The following SSUH2 variants were observed in gnomAD, a reference collection of about 807,000 sequenced individuals.
The protein encoded by SSUH2 is ssu-2 homolog.
In SSUH2, 47 loss-of-function variants were observed where a neutral mutation model predicts 55.3. The ratio of observed to expected loss-of-function variants is 0.85; its 90% CI spans 0.67 to 1.08. The LOEUF (loss-of-function observed/expected upper bound fraction) is 1.08. SSUH2 is among the 50% of genes least tolerant of loss of function. The pLI is 0.00. For missense variants in SSUH2, 535 were observed against 490.7 expected, an observed-to-expected ratio of 1.09 and a Z score of -0.85; for synonymous variants, 212 against 191.5, an observed-to-expected ratio of 1.11 and a Z score of -0.89.
intron 1 of SSUH2, among the ~76,000 whole-genome samples, chr3:8,681,197 G>C (rs1332139796): frequency 2.2e-5 from 3 of 135,566 alleles, no homozygotes; most frequent in Non-Finnish European, 5.0e-5. Context: ...CGGGGAATGA[G>C]AGCCAGCCCC....
At chr3:8,622,464 A>G (rs1696646498) in intron 11 of SSUH2, among the ~76,000 whole-genome samples, 1 of 152,120 alleles carries the variant, frequency 6.6e-6, no homozygotes, top group Admixed American at 6.5e-5. Flanking sequence ...AAAATATTGA[A>G]AAACTACAAG....
rs117093282 is a variant in SSUH2, at chr3:8,664,868, C to T, written c.-454-1066G>A. 2.8e-4 allele frequency among the ~76,000 whole-genome samples: 42 copies of T among 152,358 alleles called. No homozygotes were observed. In the East Asian group the frequency reaches 6.8e-3, roughly 24 times the overall value. On this transcript the variant is annotated intron_variant, in intron 5 of 18. Coordinates refer to the SSUH2 transcript ENST00000317371. ...AAGATCAACACCAACCCAGCTCAAACGTTTCTCAAGAAAGGCATCTCCCGA... is the reference window on the plus strand; with the variant it reads ...AAGATCAACACCAACCCAGCTCAAATGTTTCTCAAGAAAGGCATCTCCCGA...
At chr3:8,669,119 G>A (rs1385721510) in intron 5 of SSUH2, among the ~76,000 whole-genome samples, 1 of 152,124 alleles carries the variant, frequency 6.6e-6, no homozygotes, top group African/African-American at 2.4e-5. Flanking sequence ...TCATTCAAAT[G>A]AAACAACAAA....
chr3:8,681,854 G>T, intron 1 of SSUH2: 1 of 164,276 alleles, frequency 6.1e-6, no homozygotes, highest in Non-Finnish European at 1.3e-5. Flanking sequence ...CCTGGCTTAG[G>T]AACCCCATCG....
At chr3:8,640,994 G>T (rs765561987) in intron 1 of SSUH2, among the ~76,000 whole-genome samples, 1 of 152,218 alleles carries the variant, frequency 6.6e-6, no homozygotes, top group Non-Finnish European at 1.5e-5. Context: ...CTTCCCAGAG[G>T]TGCCCTGTGG....
chr3:8,676,790 G>C (rs1418934630), intron 3 of SSUH2, among the ~76,000 whole-genome samples: 1 of 148,158 alleles, frequency 6.7e-6, no homozygotes, highest in Non-Finnish European at 1.5e-5. Context: ...CGCAGTGGGG[G>C]GAGGCACCCC....
At chr3:8,633,999 G>C (rs763624568) in intron 3 of SSUH2, 3 of 1,571,250 alleles carry the variant, frequency 1.9e-6, no homozygotes, top group East Asian at 4.6e-5. Flanking sequence ...GGTTTTCCTA[G>C]AGAACAGCCA....
At chr3:8,679,673 C>T (rs1705826058) in intron 2 of SSUH2, 1 of 205,658 alleles carries the variant, frequency 4.9e-6, no homozygotes. Context: ...CTTAGGACCC[C>T]CATCGCGGAT....
chr3:8,673,811 G>A (rs1559545675), intron 3 of SSUH2, among the ~76,000 whole-genome samples: 1 of 152,128 alleles, frequency 6.6e-6, no homozygotes, highest in African/African-American at 2.4e-5. Context: ...ACTGAGACCG[G>A]GAAGCTCTCT....
chr3:8,642,734 C>T (rs2074274401), intron 1 of SSUH2, among the ~76,000 whole-genome samples: 1 of 152,150 alleles, frequency 6.6e-6, no homozygotes, highest in African/African-American at 2.4e-5. Context: ...CACTATAGTG[C>T]CTGGAACATT....
chr3:8,629,200 C>G (rs1698252627), intron 7 of SSUH2: 1 of 158,626 alleles, frequency 6.3e-6, no homozygotes, highest in Non-Finnish European at 1.4e-5. Context: ...TCATGGCTTA[C>G]AGCAGCCGAA....
chr3:8,681,353 G>C (rs908887218), intron 1 of SSUH2, among the ~76,000 whole-genome samples: 4 of 147,020 alleles, frequency 2.7e-5, no homozygotes, highest in Non-Finnish European at 4.5e-5. Context: ...CGGGGACTGA[G>C]AGCCAGCCCC....
upstream of SSUH2, among the ~76,000 whole-genome samples, chr3:8,648,539 C>T (rs566609460): frequency 2.6e-5 from 4 of 152,038 alleles, no homozygotes; most frequent in Non-Finnish European, 5.9e-5. Context: ...TCCTCAGCGA[C>T]AGCAAAGCCA....
At chr3:8,623,232 C>G (rs1696810100) in intron 11 of SSUH2, among the ~76,000 whole-genome samples, 1 of 152,226 alleles carries the variant, frequency 6.6e-6, no homozygotes, top group Non-Finnish European at 1.5e-5. Flanking sequence ...CCACCTTTTT[C>G]TTCCCCTATC....
At chr3:8,621,890 T>C (rs1012838606) in intron 11 of SSUH2, among the ~76,000 whole-genome samples, 1 of 152,188 alleles carries the variant, frequency 6.6e-6, no homozygotes, top group Non-Finnish European at 1.5e-5. Context: ...GATTTTTCTA[T>C]TAAGATCCAA....
intron 8 of SSUH2, 100 bp from the exon 9 acceptor site, chr3:8,626,421 G>C (rs530458980): frequency 1.2e-6 from 1 of 840,356 alleles, no homozygotes; most frequent in South Asian, 1.5e-5. Context: ...GGTAGACTGT[G>C]GTGGGCCTGC....
intron 7 of SSUH2, among the ~76,000 whole-genome samples, chr3:8,651,576 G>A (rs999638635): frequency 1.2e-4 from 18 of 152,144 alleles, no homozygotes; most frequent in Non-Finnish European, 1.9e-4. Context: ...ATGAGGAATC[G>A]TGTATTTTTT....
chr3:8,637,607 G>A (rs752592696), intron 1 of SSUH2, among the ~76,000 whole-genome samples: 1 of 152,202 alleles, frequency 6.6e-6, no homozygotes, highest in Non-Finnish European at 1.5e-5. Flanking sequence ...TCTGAAACAA[G>A]AGGTCTAGTT....
chr3:8,672,215 G>T (rs879847582), intron 3 of SSUH2, among the ~76,000 whole-genome samples: 9 of 151,872 alleles, frequency 5.9e-5, no homozygotes, highest in Non-Finnish European at 7.4e-5. Flanking sequence ...TCCCTGGGGT[G>T]GTGTACACTT....
Sources: gnomAD v4.1 joint callset for allele counts (sites outside exome capture counted in the v4.1 genomes callset) on GRCh38, gnomAD v4.1.1 for gene constraint, MANE v1.5 for transcripts, NCBI Gene and HGNC (gene_info 2026-07-23, HGNC 2026-07-21) for gene names.